The following NDC1 variants were observed in gnomAD, a reference collection of about 807,000 sequenced individuals.
The protein encoded by NDC1 is nucleoporin NDC1.
NDC1 carries 24 observed loss-of-function variants against 89.8 expected under a neutral mutation model. That is an observed-to-expected ratio of 0.27 (90% CI 0.19 to 0.38). The LOEUF is 0.38. Ranked by LOEUF, NDC1 falls within the 10% of genes least tolerant of loss-of-function variation. The pLI, the probability that NDC1 is intolerant of heterozygous loss-of-function variation, is 1.00. For missense variants in NDC1, 728 were observed against 797.6 expected (o/e 0.91, Z 1.05); for synonymous variants, 296 against 284.8 (o/e 1.04, Z -0.39).
At chr1:53,836,645 G>A (rs148210850) in intron 1 of NDC1, among the ~76,000 whole-genome samples, 57 of 151,764 alleles carry the variant, frequency 3.8e-4, no homozygotes, top group African/African-American at 1.3e-3. Flanking sequence ...ACAGGTGCCC[G>A]CCACCACACC....
intron 14 of NDC1, 88 bp downstream of exon 14, chr1:53,793,141 T>C (rs553959732): frequency 3.3e-5 from 38 of 1,162,976 alleles, no homozygotes; most frequent in Non-Finnish European, 4.7e-5. Context: ...AGCTATAAAA[T>C]ATTTACAAGT....
chr1:53,791,248 T>A (rs1647490084), intron 14 of NDC1, among the ~76,000 whole-genome samples: 1 of 151,994 alleles, frequency 6.6e-6, no homozygotes, highest in African/African-American at 2.4e-5. Context: ...TAAAACTCCG[T>A]CTCTACTAAA....
intron 14 of NDC1, among the ~76,000 whole-genome samples, chr1:53,790,694 A>C (rs1647467245): frequency 6.6e-6 from 1 of 152,030 alleles, no homozygotes; most frequent in African/African-American, 2.4e-5. Context: ...GCGACAGAGC[A>C]AGACTTCGTC....
At chr1:53,770,224 G>C (rs939763094) in intron 17 of NDC1, among the ~76,000 whole-genome samples, 2 of 151,466 alleles carry the variant, frequency 1.3e-5, no homozygotes, top group African/African-American at 2.4e-5. Flanking sequence ...GCAGGGTCTC[G>C]CTAAAATATG....
intron 17 of NDC1, 78 bp downstream of exon 17, chr1:53,772,251 C>T (rs1308049384): frequency 1.7e-5 from 22 of 1,270,708 alleles, no homozygotes; most frequent in Non-Finnish European, 2.4e-5. Context: ...AACACATGAG[C>T]CTTATCATTC....
intron 2 of NDC1, among the ~76,000 whole-genome samples, chr1:53,834,258 TTGGTAA>T (rs1649158767): frequency 6.6e-6 from 1 of 152,212 alleles, no homozygotes; most frequent in Non-Finnish European, 1.5e-5. Context: ...TTGTGAACAA[TTGGTAA>T]TGGCTCTCAA....
chr1:53,820,657 G>A (rs1648637579), intron 5 of NDC1, among the ~76,000 whole-genome samples: 2 of 148,046 alleles, frequency 1.4e-5, no homozygotes, highest in African/African-American at 5.0e-5. Flanking sequence ...ATGATTAGAA[G>A]GAATCTAAGG....
At chr1:53,778,142 AC>A (rs1238566313) in intron 16 of NDC1, among the ~76,000 whole-genome samples, 1 of 151,898 alleles carries the variant, frequency 6.6e-6, no homozygotes, top group Admixed American at 6.6e-5. Flanking sequence ...ATCCCACTTT[AC>A]CCCACTTAAT....
At chr1:53,801,278 A>G (rs1430450872) in intron 10 of NDC1, among the ~76,000 whole-genome samples, 2 of 152,128 alleles carry the variant, frequency 1.3e-5, no homozygotes, top group African/African-American at 4.8e-5. Flanking sequence ...CATGGTCCCC[A>G]GTGACCTCTA....
chr1:53,785,727 C>T (rs762528993), intron 16 of NDC1, among the ~76,000 whole-genome samples: 1 of 151,832 alleles, frequency 6.6e-6, no homozygotes, highest in Non-Finnish European at 1.5e-5. Context: ...TGCGCACCAC[C>T]ACACCTCGCT....
intron 3 of NDC1, among the ~76,000 whole-genome samples, chr1:53,829,146 G>A (rs1336260139): frequency 6.6e-6 from 1 of 152,068 alleles, no homozygotes; most frequent in Non-Finnish European, 1.5e-5. Flanking sequence ...AGCTAGCCTA[G>A]GGTTCCCTGA....
At chr1:53,798,874 G>A (rs1204755743) in intron 11 of NDC1, among the ~76,000 whole-genome samples, 1 of 152,070 alleles carries the variant, frequency 6.6e-6, no homozygotes, top group Non-Finnish European at 1.5e-5. Context: ...ACTTTTTAAA[G>A]GTTAATGGAA....
At chr1:53,813,191 A>G (rs945250618) in intron 6 of NDC1, among the ~76,000 whole-genome samples, 2 of 152,220 alleles carry the variant, frequency 1.3e-5, no homozygotes, top group African/African-American at 4.8e-5. Flanking sequence ...ATAAAACAAA[A>G]ATACATGTTG....
intron 5 of NDC1, among the ~76,000 whole-genome samples, chr1:53,825,168 G>A (rs1344518167): frequency 6.6e-6 from 1 of 150,918 alleles, no homozygotes; most frequent in Non-Finnish European, 1.5e-5. Flanking sequence ...GTGAGACTCT[G>A]TCTCAAAAAA....
At chr1:53,826,824 T>C (rs751188956) in intron 4 of NDC1, among the ~76,000 whole-genome samples, 7 of 152,184 alleles carry the variant, frequency 4.6e-5, no homozygotes, top group Non-Finnish European at 7.4e-5. Context: ...TTAACTGTTA[T>C]CTGAACTCCG....
In NDC1 at chr1:53,830,077, G is replaced by GGCAGAGGTTGAGGTTCAGGAGGTT. The variant is rs1195061281; in HGVS notation, c.281-1905_281-1904insAACCTCCTGAACCTCAACCTCTGC. Among the ~76,000 whole-genome samples, 5 of 152,134 alleles carry GGCAGAGGTTGAGGTTCAGGAGGTT rather than the reference G, an allele frequency of 3.3e-5. No homozygotes were observed. In the South Asian group the frequency reaches 6.2e-4, roughly 19 times the overall value. On this transcript the variant is annotated intron_variant, in intron 3 of 17. Transcript: ENST00000371429. Reference sequence around the variant, plus strand: ...GAGGCAGGAGAATCACTTGAACCCGGGAGGCAGAGGCGTCAGCGAGCCAAG... The same window carrying GGCAGAGGTTGAGGTTCAGGAGGTT: ...GAGGCAGGAGAATCACTTGAACCCGGGCAGAGGTTGAGGTTCAGGAGGTTGAGGCAGAGGCGTCAGCGAGCCAAG...
chr1:53,796,966 G>A lies in NDC1; in HGVS notation c.1401C>T (p.Thr467=), dbSNP rs761040021. ...GAGGACTTTGCGGTGACCCATAGCAGGTGTTTACATCAAAAATTCCAGCCA... is the reference window on the plus strand; with the variant it reads ...GAGGACTTTGCGGTGACCCATAGCAAGTGTTTACATCAAAAATTCCAGCCA... ...NRMAGIFDVN[T]CYGSPQSPQL... The change falls in exon 12 of 18, where the codon ACC becomes ACT. Residue 467 remains threonine, a synonymous_variant. Coordinates refer to ENST00000371429, the MANE Select transcript of NDC1 (RefSeq NM_018087.5). 3.7e-6 allele frequency: 6 copies of A among 1,614,148 alleles called. No individual in the cohort carries two copies. In the South Asian group the frequency reaches 6.6e-5, roughly 18 times the overall value.
chr1:53,826,801 G>GT (rs1215043990), intron 4 of NDC1, among the ~76,000 whole-genome samples: 1 of 152,122 alleles, frequency 6.6e-6, no homozygotes, highest in Non-Finnish European at 1.5e-5. Flanking sequence ...TCCATGAGAG[G>GT]TAAGACTCAA....
At chr1:53,770,029 T>G (rs1257789042) in intron 17 of NDC1, among the ~76,000 whole-genome samples, 1 of 152,166 alleles carries the variant, frequency 6.6e-6, no homozygotes, top group Non-Finnish European at 1.5e-5. Context: ...AATCCAGATA[T>G]TTTAACTCCA....
Sources: allele counts gnomAD v4.1 joint callset (sites outside exome capture counted in the v4.1 genomes callset), GRCh38; gene constraint gnomAD v4.1.1; transcripts MANE v1.5; gene names NCBI Gene and HGNC (gene_info 2026-07-23, HGNC 2026-07-21).